ZFYVE28: variants seen among roughly 807,000 people sequenced by gnomAD.
The protein encoded by ZFYVE28 is lateral signaling target protein 2 homolog.
ZFYVE28 carries 40 observed loss-of-function variants against 82.1 expected under a neutral mutation model. That is an observed-to-expected ratio of 0.49 (90% CI 0.38 to 0.63). The LOEUF is 0.63. Among genes scored for constraint, ZFYVE28 ranks in the 30% least tolerant of loss-of-function variants. The pLI is 0.00. For synonymous variants in ZFYVE28, 612 were observed against 546.1 expected, an observed-to-expected ratio of 1.12 and a Z score of -1.68; for missense variants, 1,321 against 1,242.1, an observed-to-expected ratio of 1.06 and a Z score of -0.96.
chr4:2,303,038 A>G (rs1287953954), intron 8 of ZFYVE28, among the ~76,000 whole-genome samples: 1 of 152,208 alleles, frequency 6.6e-6, no homozygotes, highest in Non-Finnish European at 1.5e-5. Flanking sequence ...AATGTCCAGA[A>G]GAGGCGAACC....
chr4:2,311,936 C>A lies in ZFYVE28; in HGVS notation c.804-6400G>T, dbSNP rs140224639. On this transcript the variant is annotated intron_variant, in intron 7 of 12. Transcript: ENST00000290974. ...GGACTATAGGCGTGTGCCATGATGC[C>A]CAACTAAGTTTTTTATTGTTGTTTT... is the stretch of plus-strand genomic sequence containing the variant. Among the ~76,000 whole-genome samples the A allele has an allele frequency of 2.0e-5, 3 of 152,244 alleles. No individual in the cohort carries two copies. In the East Asian group the frequency reaches 5.8e-4, roughly 29 times the overall value.
chr4:2,308,088 C>T (rs534954986), intron 7 of ZFYVE28, among the ~76,000 whole-genome samples: 1 of 152,270 alleles, frequency 6.6e-6, no homozygotes, highest in South Asian at 2.1e-4. Context: ...ATTACTATAG[C>T]TTTACAATAG....
intron 1 of ZFYVE28, among the ~76,000 whole-genome samples, chr4:2,386,138 G>C (rs1729236554): frequency 6.6e-6 from 1 of 152,154 alleles, no homozygotes; most frequent in South Asian, 2.1e-4. Flanking sequence ...GCTATGGTTT[G>C]AATGTCCCCT....
At chr4:2,277,480 A>G (rs927730107) in intron 8 of ZFYVE28, among the ~76,000 whole-genome samples, 1 of 152,174 alleles carries the variant, frequency 6.6e-6, no homozygotes, top group African/African-American at 2.4e-5. Flanking sequence ...ACACCATCTC[A>G]AAAAAATATA....
rs1733119371 is a variant in ZFYVE28, at chr4:2,416,998, G to T, written c.39+1287C>A. Among the ~76,000 whole-genome samples the T allele has an allele frequency of 6.6e-6, 1 of 152,340 alleles. No individual in the cohort carries two copies. The highest frequency in any genetic ancestry group is 2.4e-5 in the African/African-American group (1 of 41,582). On this transcript the variant is annotated intron_variant, in intron 1 of 12. Coordinates refer to ENST00000290974, the MANE Select transcript of ZFYVE28 (RefSeq NM_020972.3). The surrounding 1 kb of genome is among the most constrained non-coding windows in gnomAD (Gnocchi z 4.6). ...TCCAAACCCACCTCCCGCCTTCCTG[G>T]AATGGGCGCACGCGAGGCACGGATT...
At chr4:2,356,150 G>A (rs545441729) in intron 1 of ZFYVE28, among the ~76,000 whole-genome samples, 1 of 152,140 alleles carries the variant, frequency 6.6e-6, no homozygotes, top group Non-Finnish European at 1.5e-5. Context: ...CCTGGGGTGG[G>A]GAGAGCAAAC....
At chr4:2,348,050 T>C (rs1723839146) in intron 2 of ZFYVE28, among the ~76,000 whole-genome samples, 1 of 152,052 alleles carries the variant, frequency 6.6e-6, no homozygotes, top group South Asian at 2.1e-4. Context: ...AGAATATCAG[T>C]AAAATTGATA....
At chr4:2,376,398 A>G (rs987008885) in intron 1 of ZFYVE28, among the ~76,000 whole-genome samples, 96 of 121,428 alleles carry the variant, frequency 7.9e-4, no homozygotes, top group Non-Finnish European at 1.3e-3. Context: ...AAAAAAAAAA[A>G]GTTTTTAAAT....
At chr4:2,412,533 A>G (rs911824774) in intron 1 of ZFYVE28, among the ~76,000 whole-genome samples, 6 of 151,722 alleles carry the variant, frequency 4.0e-5, no homozygotes, top group Non-Finnish European at 5.9e-5. Context: ...TGGAGCTCCA[A>G]TGCTATTTAG....
rs541977517 is a variant in ZFYVE28, at chr4:2,304,915, G to T, written c.1425C>A (p.Gly475=). ...AGTCCAGGCAGCTGCAGGAGCTGGT[G>T]CCCGCGAGGCTGGCCCCATCTGTGC... The part of the protein sequence containing the change: ...AEGTDGASLA[G]TSSCSCLDSR... Residue 475 remains glycine, a synonymous_variant, in exon 8 of 13, where the codon GGC becomes GGA. Transcript: ENST00000290974. 1.2e-6 allele frequency: 2 copies of T among 1,612,736 alleles called. No individual in the cohort carries two copies. The highest frequency in any genetic ancestry group is 1.7e-6 in the Non-Finnish European group (2 of 1,179,876).
chr4:2,317,600 G>T (rs149691007), intron 7 of ZFYVE28, among the ~76,000 whole-genome samples: 4 of 152,004 alleles, frequency 2.6e-5, no homozygotes, highest in African/African-American at 9.7e-5. Flanking sequence ...TCTGGCAAAC[G>T]TCTCTAGCAG....
At chr4:2,316,636 A>G (rs148507390) in intron 7 of ZFYVE28, 1 of 152,090 alleles carries the variant, frequency 6.6e-6, no homozygotes, top group Non-Finnish European at 1.5e-5. Flanking sequence ...TATCTGGATC[A>G]TCAGAACTCT....
intron 1 of ZFYVE28, among the ~76,000 whole-genome samples, chr4:2,398,663 C>A (rs146562403): frequency 2.2e-5 from 3 of 134,958 alleles, no homozygotes; most frequent in South Asian, 2.4e-4. Context: ...ATCGAGGGTA[C>A]GAGGAGGAGC....
At position 2,332,742 on chromosome 4, in the gene ZFYVE28, G is replaced by T. The variant is rs1008372008; in HGVS notation, c.701+2963C>A. 6.6e-6 allele frequency among the ~76,000 whole-genome samples: 1 copy of T among 152,146 alleles called. No individual in the cohort carries two copies. On this transcript the variant is annotated intron_variant, in intron 6 of 12. Coordinates refer to ENST00000290974, the MANE Select transcript of ZFYVE28 (RefSeq NM_020972.3). This position sits in a 1 kb window ranked among gnomAD's most constrained non-coding sequence, Gnocchi z 4.7. ...TCCGCTGGTGGTGCAGGGCTGCAGG[G>T]CCCCAGTGAGCATCCCAGAGGGGCG...
chr4:2,397,594 C>G (rs549131813), intron 1 of ZFYVE28, among the ~76,000 whole-genome samples: 1 of 152,216 alleles, frequency 6.6e-6, no homozygotes, highest in Admixed American at 6.5e-5. Flanking sequence ...CCGCTCCCCT[C>G]CCCTGGCCCC....
At chr4:2,306,266 A>T (rs1340454397) in intron 7 of ZFYVE28, among the ~76,000 whole-genome samples, 1 of 152,260 alleles carries the variant, frequency 6.6e-6, no homozygotes, top group Non-Finnish European at 1.5e-5. Flanking sequence ...TGCTGCGAGA[A>T]GCTCCGGGTG....
intron 7 of ZFYVE28, among the ~76,000 whole-genome samples, chr4:2,309,753 C>T (rs1044321709): frequency 6.6e-6 from 1 of 152,336 alleles, no homozygotes; most frequent in East Asian, 1.9e-4. Flanking sequence ...CAACAGACAA[C>T]ACACACACAG....
chr4:2,352,360 G>T (rs1724603741), intron 2 of ZFYVE28, among the ~76,000 whole-genome samples: 1 of 151,992 alleles, frequency 6.6e-6, no homozygotes, highest in South Asian at 2.1e-4. Context: ...CAAGGACTGG[G>T]CGTGGGACCC....
At chr4:2,377,177 A>T (rs1291612670) in intron 1 of ZFYVE28, among the ~76,000 whole-genome samples, 1 of 151,246 alleles carries the variant, frequency 6.6e-6, no homozygotes, top group Admixed American at 6.6e-5. Context: ...GCCCGCTACC[A>T]CGCCCAGCTA....
Sources: gnomAD v4.1 joint callset for allele counts (sites outside exome capture counted in the v4.1 genomes callset) on GRCh38, gnomAD v4.1.1 for gene constraint, Gnocchi (gnomAD v3.1) non-coding constraint, MANE v1.5 for transcripts, NCBI Gene and HGNC (gene_info 2026-07-23, HGNC 2026-07-21) for gene names.